Variants in TNIK observed in about 807,000 individuals in gnomAD.
The protein encoded by TNIK is TRAF2 and NCK interacting kinase.
Under a neutral mutation model 191.3 loss-of-function variants are expected in TNIK, and 49 were observed. The observed-to-expected ratio is 0.26, with a 90% CI of 0.20 to 0.32. The LOEUF (loss-of-function observed/expected upper bound fraction) is 0.32. Among genes scored for constraint, TNIK ranks in the 10% least tolerant of loss-of-function variants. The pLI is 1.00. For missense variants in TNIK, 1,155 were observed against 1,702.3 expected, an observed-to-expected ratio of 0.68 and a Z score of 5.66; for synonymous variants, 594 against 600.9, an observed-to-expected ratio of 0.99 and a Z score of 0.17.
intron 4 of TNIK, among the ~76,000 whole-genome samples, chr3:171,196,431 GA>G (rs1227639795): frequency 6.6e-6 from 1 of 152,060 alleles, no homozygotes; most frequent in Non-Finnish European, 1.5e-5. Flanking sequence ...AATAAAAACA[GA>G]AATCTGAACC....
chr3:171,304,119 T>C (rs187006198), intron 2 of TNIK, among the ~76,000 whole-genome samples: 15 of 151,800 alleles, frequency 9.9e-5, no homozygotes, highest in African/African-American at 2.9e-4. Flanking sequence ...GAAGAGTACA[T>C]ATGGATGTCT....
chr3:171,417,245 A>C (rs1723202762), intron 1 of TNIK, among the ~76,000 whole-genome samples: 1 of 152,194 alleles, frequency 6.6e-6, no homozygotes, highest in Non-Finnish European at 1.5e-5. Context: ...CAATGTATAA[A>C]ATATTCAATA....
intron 2 of TNIK, among the ~76,000 whole-genome samples, chr3:171,311,388 C>T (rs1754001742): frequency 6.6e-6 from 1 of 152,150 alleles, no homozygotes; most frequent in South Asian, 2.1e-4. Context: ...CGAGTAAGCA[C>T]CTACTGTGTG....
At position 171,069,023 on chromosome 3, in the gene TNIK, C is replaced by T. The variant is rs531538422; in HGVS notation, c.3550-26G>A. On this transcript the variant is annotated intron_variant, in intron 29 of 32. Coordinates refer to ENST00000436636, the MANE Select transcript of TNIK (RefSeq NM_015028.4). ...CTTTAAAAATCACCCCATTAGTATC[C>T]GCATCACTCAAAGAGGCATCTTAAT... The T allele has an allele frequency of 2.9e-5, 46 of 1,595,284 alleles. No individual in the cohort carries two copies. The African/African-American group carries it at 3.0e-4, about 10-fold the overall frequency.
chr3:171,176,698 G>A (rs992398968), intron 8 of TNIK, among the ~76,000 whole-genome samples: 13 of 152,352 alleles, frequency 8.5e-5, no homozygotes, highest in Admixed American at 5.9e-4. Context: ...AGTGGCCCTT[G>A]AAAGGTGCGG....
At chr3:171,295,066 G>A (rs557478388) in intron 2 of TNIK, among the ~76,000 whole-genome samples, 1 of 152,032 alleles carries the variant, frequency 6.6e-6, no homozygotes, top group Admixed American at 6.5e-5. Context: ...GCAGTTTGAT[G>A]GGCCAGGCTT....
intron 2 of TNIK, among the ~76,000 whole-genome samples, chr3:171,240,310 T>C (rs940250822): frequency 9.8e-5 from 15 of 152,290 alleles, no homozygotes; most frequent in African/African-American, 3.4e-4. Context: ...GCAGGCCCTA[T>C]AGAGGACGTG....
At chr3:171,251,624 C>T (rs1746236691) in intron 2 of TNIK, among the ~76,000 whole-genome samples, 1 of 152,164 alleles carries the variant, frequency 6.6e-6, no homozygotes, top group Non-Finnish European at 1.5e-5. Context: ...TATCAAGAAC[C>T]TGTATTCCAC....
At position 171,350,619 on chromosome 3, in the gene TNIK, T is replaced by A. The variant is rs1367727403; in HGVS notation, c.123+19001A>T. On this transcript the variant is annotated intron_variant, in intron 2 of 32. Coordinates refer to ENST00000436636, the MANE Select transcript of TNIK (RefSeq NM_015028.4). ...CTAAAAAAAAAAAAAAAAAAAAAAA[T>A]GCCCAAAGAAACTCAATCCTGTAAC... Among the ~76,000 whole-genome samples, 162 of 57,582 alleles carry A rather than the reference T, an allele frequency of 2.8e-3. 2 individuals are homozygous for A. The highest frequency in any genetic ancestry group is 8.4e-3 in the African/African-American group (119 of 14,242). 37.8% of individuals were successfully genotyped at this position (57,582 alleles called of 152,430 possible).
intron 2 of TNIK, among the ~76,000 whole-genome samples, chr3:171,344,669 T>C (rs1711871816): frequency 6.6e-6 from 1 of 152,070 alleles, no homozygotes; most frequent in Non-Finnish European, 1.5e-5. Context: ...GATGGAACAG[T>C]GTTTAACCCA....
chr3:171,329,122 CTATTT>C lies in TNIK; in HGVS notation c.123+40493_123+40497del, dbSNP rs888577787. ...CACACATACACACACTCCTTACACCCTATTTTATTTTTCTCTGTAGTAGCTTCACT... is the reference window on the plus strand; with the variant it reads ...CACACATACACACACTCCTTACACCCTATTTTTCTCTGTAGTAGCTTCACT... On this transcript the variant is annotated intron_variant, in intron 2 of 32. Transcript: ENST00000436636. 7.2e-5 allele frequency among the ~76,000 whole-genome samples: 11 copies of C among 152,146 alleles called. No individual in the cohort carries two copies. The East Asian group carries it at 1.2e-3, about 16-fold the overall frequency.
chr3:171,424,983 T>TAAA (rs11397416), intron 1 of TNIK, among the ~76,000 whole-genome samples: 7 of 148,766 alleles, frequency 4.7e-5, no homozygotes, highest in Admixed American at 1.3e-4. Context: ...TAAAGCATAA[T>TAAA]AAAAAAAAAA....
At chr3:171,401,830 C>T (rs1224871793) in intron 1 of TNIK, among the ~76,000 whole-genome samples, 1 of 152,112 alleles carries the variant, frequency 6.6e-6, no homozygotes, top group East Asian at 1.9e-4. Context: ...TTAAATAATG[C>T]ATTTAAACAC....
intron 1 of TNIK, among the ~76,000 whole-genome samples, chr3:171,432,208 G>A (rs142217812): frequency 1.2e-3 from 182 of 152,188 alleles, no homozygotes; most frequent in African/African-American, 4.4e-3. Flanking sequence ...GAACACAATC[G>A]ACTTGTGGAA....
Position 171,137,689 on chromosome 3 carries a change from A to G in TNIK, c.1608+502T>C, listed in dbSNP as rs570425268. Among the ~76,000 whole-genome samples the G allele has an allele frequency of 3.9e-5, 6 of 152,356 alleles. No individual in the cohort carries two copies. The South Asian group carries it at 1.2e-3, about 32-fold the overall frequency. ...CTAATGACCTCTGATCTTAAAAGTG[A>G]ATACCACCACCACAAGTCTGAGGTC... is the stretch of plus-strand genomic sequence containing the variant. On this transcript the variant is annotated intron_variant, in intron 15 of 32. Coordinates refer to ENST00000436636, the MANE Select transcript of TNIK (RefSeq NM_015028.4).
At chr3:171,347,047 G>A in intron 2 of TNIK, 1 of 1,270,220 alleles carries the variant, frequency 7.9e-7, no homozygotes, top group Non-Finnish European at 1.1e-6. Context: ...GATGTGCAAT[G>A]CCTGTGCTAG....
chr3:171,133,232 C>T (rs964835656), intron 15 of TNIK, among the ~76,000 whole-genome samples: 1 of 152,150 alleles, frequency 6.6e-6, no homozygotes, highest in African/African-American at 2.4e-5. Flanking sequence ...ACGTATAGAT[C>T]CCTGTGTGAA....
chr3:171,135,702 CACCAGAGATGGCCCAGACT>C (rs1295728463), intron 15 of TNIK, among the ~76,000 whole-genome samples: 3 of 152,192 alleles, frequency 2.0e-5, no homozygotes, highest in Non-Finnish European at 2.9e-5. Flanking sequence ...AGATGTCACC[CACCAGAGATGGCCCAGACT>C]TATGGTGACT....
intron 2 of TNIK, among the ~76,000 whole-genome samples, chr3:171,324,934 TA>T (rs113343899): frequency 1.3e-5 from 2 of 151,310 alleles, no homozygotes; most frequent in African/African-American, 2.4e-5. Context: ...CCGTCTCTAC[TA>T]AAAAAAATAC....
Sources: allele counts gnomAD v4.1 joint callset (sites outside exome capture counted in the v4.1 genomes callset), GRCh38; gene constraint gnomAD v4.1.1; transcripts MANE v1.5; gene names NCBI Gene and HGNC (gene_info 2026-07-23, HGNC 2026-07-21).